Variants in DAAM1 observed in about 807,000 individuals in gnomAD.
The protein encoded by DAAM1 is disheveled-associated activator of morphogenesis 1.
In DAAM1, 52 loss-of-function variants were observed where a neutral mutation model predicts 130.0. The observed-to-expected ratio is 0.40, with a 90% CI of 0.32 to 0.50. The LOEUF (loss-of-function observed/expected upper bound fraction) is 0.50, where lower values mean the gene tolerates loss of function less well. Among genes scored for constraint, DAAM1 ranks in the 20% least tolerant of loss-of-function variants. DAAM1 has a pLI of 0.61. For missense variants in DAAM1, 1,134 were observed against 1,303.8 expected, an observed-to-expected ratio of 0.87 and a Z score of 2.01; for synonymous variants, 452 against 444.5, an observed-to-expected ratio of 1.02 and a Z score of -0.21.
chr14:59,302,785 G>A (rs930425396), intron 3 of DAAM1, among the ~76,000 whole-genome samples: 9 of 151,982 alleles, frequency 5.9e-5, no homozygotes, highest in African/African-American at 2.2e-4. Flanking sequence ...TCCCGAGTAG[G>A]TGGGATTACA....
Position 59,291,227 on chromosome 14 carries a change from A to T in DAAM1, c.194A>T (p.Asp65Val). 6.2e-7 allele frequency: 1 copy of T among 1,609,928 alleles called. No homozygotes were observed. The highest frequency in any genetic ancestry group is 8.5e-7 in the Non-Finnish European group (1 of 1,178,912). ...VMFSELVDELDLTDKHREAMF... is the reference protein window; with the variant it reads ...VMFSELVDELVLTDKHREAMF... The stretch of plus-strand genomic sequence containing the variant: ...TTTCTTTCTTCTCAGGATGAACTGG[A>T]CCTCACAGACAAACACAGAGAAGCC... The change falls in exon 3 of 25, where the codon GAC (aspartate) becomes GTC (valine). Residue 65 changes from aspartate (D) to valine (V), a missense_variant. Physicochemically the swap from Asp to Val is radical, Grantham distance 152. Coordinates refer to ENST00000360909, the MANE Select transcript of DAAM1 (RefSeq NM_001270520.2).
intron 1 of DAAM1, among the ~76,000 whole-genome samples, chr14:59,195,688 C>G (rs562048546): frequency 2.0e-5 from 3 of 152,256 alleles, no homozygotes; most frequent in East Asian, 1.9e-4. Flanking sequence ...GTAGATAGCC[C>G]AGATCCTAGC....
At chr14:59,348,916 T>G (rs60843766) in intron 17 of DAAM1, among the ~76,000 whole-genome samples, 1 of 152,162 alleles carries the variant, frequency 6.6e-6, no homozygotes, top group Non-Finnish European at 1.5e-5. Flanking sequence ...GGAGAAACTC[T>G]TCATGCTGTC....
intron 1 of DAAM1, among the ~76,000 whole-genome samples, chr14:59,214,231 T>C (rs9323342): frequency 0.17 from 26,021 of 152,216 alleles, 2,525 homozygotes; most frequent in East Asian, 0.34. Flanking sequence ...GTGCCTGGCA[T>C]GAGAAACCTC....
At chr14:59,263,909 A>G (rs1882306909) in intron 2 of DAAM1, 2 of 530,390 alleles carry the variant, frequency 3.8e-6, no homozygotes, top group Non-Finnish European at 6.8e-6. Context: ...TTAGACCTTC[A>G]GTTCTTCAAA....
chr14:59,219,434 G>A (rs1384222795), intron 1 of DAAM1, among the ~76,000 whole-genome samples: 1 of 152,112 alleles, frequency 6.6e-6, no homozygotes, highest in African/African-American at 2.4e-5. Context: ...TTGTTCCCTG[G>A]TTTCTTCTGG....
At chr14:59,355,356 C>T (rs765039958) in intron 20 of DAAM1, 23 bp downstream of exon 20, 3 of 1,612,762 alleles carry the variant, frequency 1.9e-6, no homozygotes, top group Non-Finnish European at 2.5e-6. Context: ...TCTTCCAACA[C>T]TTGGGGGAGC....
chr14:59,335,913 G>A (rs10148045), intron 15 of DAAM1, among the ~76,000 whole-genome samples: 45,676 of 151,612 alleles, frequency 0.3, 7,008 homozygotes, highest in African/African-American at 0.35. Flanking sequence ...TATTCTATAG[G>A]TATAATTTTC....
chr14:59,196,854 C>T (rs1281889475), intron 1 of DAAM1, among the ~76,000 whole-genome samples: 1 of 152,230 alleles, frequency 6.6e-6, no homozygotes, highest in Non-Finnish European at 1.5e-5. Flanking sequence ...ATTCTCTATT[C>T]TTGAAAGTTG....
chr14:59,333,324 C>T (rs891926412), intron 15 of DAAM1, among the ~76,000 whole-genome samples: 3 of 152,072 alleles, frequency 2.0e-5, no homozygotes, highest in Non-Finnish European at 4.4e-5. Context: ...TTGGGCAATG[C>T]TATACACACC....
Position 59,360,855 on chromosome 14 carries a change from T to TAGAG in DAAM1, c.2689_2692dup (p.Thr898ArgfsTer17). On this transcript the variant is annotated frameshift_variant, in exon 22 of 25. Coordinates refer to ENST00000360909, the MANE Select transcript of DAAM1 (RefSeq NM_001270520.2). LOFTEE classifies it high-confidence loss of function. ...ACCTTGAGAAGTGGCTTGAAAGCAG[T>TAGAG]AGAGACAGTGAGTATTTTTTTGTTG... 6.2e-7 allele frequency: 1 copy of TAGAG among 1,613,662 alleles called. No individual in the cohort carries two copies. The highest frequency in any genetic ancestry group is 8.5e-7 in the Non-Finnish European group (1 of 1,179,872).
intron 1 of DAAM1, among the ~76,000 whole-genome samples, chr14:59,253,233 C>G (rs1039418727): frequency 6.6e-6 from 1 of 152,196 alleles, no homozygotes; most frequent in East Asian, 1.9e-4. Flanking sequence ...TAAAGTCATT[C>G]CAAGAAAGAA....
chr14:59,341,341 G>T (rs1289085964), intron 16 of DAAM1, among the ~76,000 whole-genome samples: 2 of 152,002 alleles, frequency 1.3e-5, no homozygotes, highest in East Asian at 3.9e-4. Flanking sequence ...ATATCTATCT[G>T]CCTCAGGAAG....
At chr14:59,215,734 A>G (rs890559638) in intron 1 of DAAM1, among the ~76,000 whole-genome samples, 1 of 152,166 alleles carries the variant, frequency 6.6e-6, no homozygotes, top group African/African-American at 2.4e-5. Flanking sequence ...GGAGTAGGCT[A>G]GGGTGGGGGT....
At chr14:59,267,708 ATCT>A (rs1481344216) in intron 2 of DAAM1, among the ~76,000 whole-genome samples, 1 of 151,930 alleles carries the variant, frequency 6.6e-6, no homozygotes, top group Admixed American at 6.5e-5. Context: ...ACAAACAATA[ATCT>A]TCTTTGTGTC....
chr14:59,218,141 G>A (rs74874233), intron 1 of DAAM1, among the ~76,000 whole-genome samples: 9,007 of 151,910 alleles, frequency 0.059, 360 homozygotes, highest in Non-Finnish European at 0.089. Flanking sequence ...TCCAAAAAAA[G>A]AAAAAAATTC....
At chr14:59,242,849 C>T (rs1881191731) in intron 1 of DAAM1, among the ~76,000 whole-genome samples, 1 of 152,122 alleles carries the variant, frequency 6.6e-6, no homozygotes, top group Admixed American at 6.5e-5. Flanking sequence ...CCACCGTGCC[C>T]AGCCGCTGGG....
intron 2 of DAAM1, among the ~76,000 whole-genome samples, chr14:59,283,740 G>A (rs1293183403): frequency 1.3e-5 from 2 of 152,152 alleles, no homozygotes; most frequent in Non-Finnish European, 2.9e-5. Flanking sequence ...AAAGGAACTA[G>A]CATATTTTAG....
At chr14:59,262,718 C>G (rs976729930) in intron 1 of DAAM1, among the ~76,000 whole-genome samples, 13 of 140,716 alleles carry the variant, frequency 9.2e-5, no homozygotes, top group Non-Finnish European at 3.1e-5. Flanking sequence ...CATTTCCTTT[C>G]CTTGCTGGTG....
Sources: allele counts gnomAD v4.1 joint callset (sites outside exome capture counted in the v4.1 genomes callset), GRCh38; gene constraint gnomAD v4.1.1; transcripts MANE v1.5; gene names NCBI Gene and HGNC (gene_info 2026-07-23, HGNC 2026-07-21).